XPO6: variants seen among roughly 807,000 people sequenced by gnomAD.
XPO6 encodes exportin 6.
XPO6 carries 3 observed loss-of-function variants against 130.0 expected under a neutral mutation model. The observed-to-expected ratio is 0.02, with a 90% CI of 0.01 to 0.06. The LOEUF (loss-of-function observed/expected upper bound fraction) is 0.06. Among genes scored for constraint, XPO6 ranks in the 10% least tolerant of loss-of-function variants. XPO6 has a pLI of 1.00. For synonymous variants in XPO6, 524 were observed against 548.9 expected, an observed-to-expected ratio of 0.95 and a Z score of 0.63; for missense variants, 970 against 1,393.0, an observed-to-expected ratio of 0.70 and a Z score of 4.83.
At chr16:28,197,388 G>T (rs1171014490) in intron 1 of XPO6, among the ~76,000 whole-genome samples, 1 of 152,104 alleles carries the variant, frequency 6.6e-6, no homozygotes, top group African/African-American at 2.4e-5. Flanking sequence ...AAGCTTAAGG[G>T]ATCTGTCTCC....
intron 1 of XPO6, among the ~76,000 whole-genome samples, chr16:28,189,491 CTG>C (rs1379006864): frequency 6.6e-6 from 1 of 151,978 alleles, no homozygotes; most frequent in Non-Finnish European, 1.5e-5. Flanking sequence ...CTTAGCCTGA[CTG>C]TGATAGGACA....
chr16:28,180,964 G>A lies in XPO6; in HGVS notation c.71C>T (p.Thr24Ile). 6.2e-7 allele frequency: 1 copy of A among 1,613,066 alleles called. No homozygotes were observed. Among genetic ancestry groups the A allele is most frequent in the Non-Finnish European group, 8.5e-7 (1 of 1,179,630 alleles). ...LMTEFFHDCT[T>I]NERKREIEEL... is the part of the protein sequence containing the mutation. ...ACCTATCTCACGTTTTCTTTCATTG[G>A]TTGTACAATCGTGAAAAAATTCTGT... is the stretch of plus-strand genomic sequence containing the variant. Residue 24 changes from threonine (T) to isoleucine (I), a missense_variant, in exon 2 of 24, where the codon ACC becomes ATC. Physicochemically the swap from Thr to Ile is moderately conservative, Grantham distance 89 (BLOSUM62 -1). Coordinates refer to ENST00000304658, the MANE Select transcript of XPO6 (RefSeq NM_015171.4).
At chr16:28,117,857 G>A (rs2087109497) in intron 14 of XPO6, among the ~76,000 whole-genome samples, 2 of 152,190 alleles carry the variant, frequency 1.3e-5, no homozygotes, top group African/African-American at 2.4e-5. Context: ...AGGTGTGACA[G>A]CTTTATAAAC....
chr16:28,131,208 C>G (rs1490461002), intron 12 of XPO6, among the ~76,000 whole-genome samples: 1 of 152,190 alleles, frequency 6.6e-6, no homozygotes, highest in African/African-American at 2.4e-5. Context: ...CGGGGCATGC[C>G]AAGGCCCATC....
chr16:28,138,360 A>G (rs1333039053), intron 9 of XPO6, among the ~76,000 whole-genome samples: 1 of 152,200 alleles, frequency 6.6e-6, no homozygotes, highest in Non-Finnish European at 1.5e-5. Context: ...TGTCATCTAT[A>G]AATTGTCTTG....
intron 1 of XPO6, among the ~76,000 whole-genome samples, chr16:28,195,264 T>C (rs1318826658): frequency 2.6e-5 from 4 of 152,282 alleles, no homozygotes; most frequent in South Asian, 2.1e-4. Context: ...AGGATCTTCA[T>C]GTCAATGCCG....
At chr16:28,129,339 A>C (rs1032951784) in intron 12 of XPO6, among the ~76,000 whole-genome samples, 1 of 152,240 alleles carries the variant, frequency 6.6e-6, no homozygotes, top group Non-Finnish European at 1.5e-5. Flanking sequence ...TTGAGGGGAT[A>C]GGCCAGTGTC....
chr16:28,197,311 A>G (rs528945111), intron 1 of XPO6, among the ~76,000 whole-genome samples: 1 of 152,300 alleles, frequency 6.6e-6, no homozygotes, highest in East Asian at 1.9e-4. Flanking sequence ...TTACGACTGG[A>G]AAAAATTAAA....
chr16:28,180,864 G>A (rs116876937), intron 2 of XPO6, 77 bp downstream of exon 2: 29 of 1,187,774 alleles, frequency 2.4e-5, no homozygotes, highest in South Asian at 7.1e-5. Flanking sequence ...GACCAGTCAC[G>A]GCTACGAACA....
In XPO6 at chr16:28,101,302, C is replaced by A; in HGVS notation, c.3276+156G>T. 1.4e-6 allele frequency: 1 copy of A among 712,842 alleles called. No individual in the cohort carries two copies. The highest frequency in any genetic ancestry group is 1.5e-5 in the South Asian group (1 of 66,932). 44.2% of individuals were successfully genotyped at this position (712,842 alleles called of 1,614,324 possible). On this transcript the variant is annotated intron_variant, in intron 23 of 23. Coordinates refer to ENST00000304658, the MANE Select transcript of XPO6 (RefSeq NM_015171.4). The surrounding 1 kb of genome is among the most constrained non-coding windows in gnomAD (Gnocchi z 5.4). ...GCTGTGCCCCTCAATCAGGCTACAG[C>A]ACCAGGTCAGCAGGCATCTCGTGAG...
chr16:28,185,075 T>C (rs1217087678), intron 1 of XPO6, among the ~76,000 whole-genome samples: 1 of 152,186 alleles, frequency 6.6e-6, no homozygotes, highest in Non-Finnish European at 1.5e-5. Flanking sequence ...GAGGAGAATA[T>C]TATAAGACAA....
chr16:28,112,156 C>A, intron 16 of XPO6, 150 bp from the exon 17 acceptor site: 1 of 829,816 alleles, frequency 1.2e-6, no homozygotes, highest in Non-Finnish European at 1.8e-6. Flanking sequence ...GCCTTTGGTC[C>A]AACTGGAAGG....
intron 1 of XPO6, among the ~76,000 whole-genome samples, chr16:28,210,943 G>A (rs763200958): frequency 4.6e-5 from 7 of 152,206 alleles, no homozygotes; most frequent in Non-Finnish European, 7.4e-5. Context: ...CTGTTAAAAA[G>A]TCGCTTGACC....
chr16:28,197,938 ATTGTTC>A (rs1567650116), intron 1 of XPO6, among the ~76,000 whole-genome samples: 1 of 134,802 alleles, frequency 7.4e-6, no homozygotes, highest in African/African-American at 2.7e-5. Context: ...AAAAAAAAAA[ATTGTTC>A]AGACTACATC....
chr16:28,106,320 T>G lies in XPO6; in HGVS notation c.2612+63A>C. ...AGAACAGGAGCAAAAAGCCACACTT[T>G]GTCGCCAGACCCACCACTTCTCCCT... On this transcript the variant is annotated intron_variant, in intron 19 of 23. Transcript: ENST00000304658. This position sits in a 1 kb window ranked among gnomAD's most constrained non-coding sequence, Gnocchi z 4.2. 1 of 1,607,138 alleles carries G rather than the reference T, an allele frequency of 6.2e-7. No individual in the cohort carries two copies. Among genetic ancestry groups the G allele is most frequent in the Non-Finnish European group, 8.5e-7 (1 of 1,174,240 alleles).
intron 12 of XPO6, among the ~76,000 whole-genome samples, chr16:28,130,254 CA>C (rs964236751): frequency 6.6e-6 from 1 of 152,248 alleles, no homozygotes; most frequent in Non-Finnish European, 1.5e-5. Flanking sequence ...ACGGTCACAG[CA>C]CCAGGAGTAG....
chr16:28,127,720 G>A lies in XPO6; in HGVS notation c.1607-1872C>T, dbSNP rs960227031. ...GGATGAGGCTCGCAACAGTGCCTGC[G>A]ACAGCCCCCAAAGGAAGACACGAGG... On this transcript the variant is annotated intron_variant, in intron 12 of 23. Transcript: ENST00000304658. 5.3e-5 allele frequency among the ~76,000 whole-genome samples: 8 copies of A among 152,190 alleles called. 1 individual carries two copies. In the South Asian group the frequency reaches 6.2e-4, roughly 12 times the overall value.
At chr16:28,149,122 C>T (rs367861438) in intron 8 of XPO6, among the ~76,000 whole-genome samples, 3 of 151,238 alleles carry the variant, frequency 2.0e-5, no homozygotes, top group Non-Finnish European at 2.9e-5. Flanking sequence ...CCCTCCCCCC[C>T]AGGGTATACC....
chr16:28,108,688 G>C (rs1222120671), intron 17 of XPO6, among the ~76,000 whole-genome samples: 3 of 152,220 alleles, frequency 2.0e-5, no homozygotes, highest in African/African-American at 4.8e-5. Context: ...AGCCAGAGCT[G>C]GGCTGAGAGC....
Sources: allele counts gnomAD v4.1 joint callset (sites outside exome capture counted in the v4.1 genomes callset), GRCh38; gene constraint gnomAD v4.1.1; non-coding constraint Gnocchi (gnomAD v3.1); transcripts MANE v1.5; gene names NCBI Gene and HGNC (gene_info 2026-07-23, HGNC 2026-07-21).